The following FBLIM1 variants were observed in gnomAD, a reference collection of about 807,000 sequenced individuals.
FBLIM1 encodes the protein filamin-binding LIM protein 1.
A neutral mutation model predicts 37.4 loss-of-function variants in FBLIM1; 29 were observed. The ratio of observed to expected loss-of-function variants is 0.77; its 90% confidence interval spans 0.58 to 1.06. The LOEUF (loss-of-function observed/expected upper bound fraction) is 1.06, where lower values mean the gene tolerates loss of function less well. Ranked by LOEUF, FBLIM1 falls within the 50% of genes least tolerant of loss-of-function variation. The pLI, the probability that FBLIM1 is intolerant of heterozygous loss-of-function variation, is 0.00. For missense variants in FBLIM1, 449 were observed against 505.6 expected (o/e 0.89, Z 1.07); for synonymous variants, 193 against 199.0 (o/e 0.97, Z 0.25).
rs145132404 is a variant in FBLIM1, at chr1:15,774,771, G to A, written c.865G>A (p.Val289Met). ...ESFALGSQNE[V>M]YCLDDFYRKF... ...CTTTGCCCTGGGCAGCCAGAACGAG[G>A]TGTACTGCCTGGACGACTTCTACAG... Residue 289 changes from valine to methionine, a missense_variant, in exon 7 of 9, where the codon GTG becomes ATG. Coordinates refer to ENST00000375766, the MANE Select transcript of FBLIM1 (RefSeq NM_017556.4). 1.2e-6 allele frequency: 2 copies of A among 1,614,166 alleles called. No individual in the cohort carries two copies. The highest frequency in any genetic ancestry group is 1.7e-6 in the Non-Finnish European group (2 of 1,180,022).
At chr1:15,777,765 G>T (rs565244487) in intron 8 of FBLIM1, among the ~76,000 whole-genome samples, 2 of 152,104 alleles carry the variant, frequency 1.3e-5, no homozygotes, top group African/African-American at 4.8e-5. Context: ...TAGAGACAGG[G>T]TTTCACCATG....
In FBLIM1 at chr1:15,786,465, A is replaced by G. The variant is rs1003928973; in HGVS notation, c.*1804A>G. 1 of 152,148 alleles carries G rather than the reference A, an allele frequency of 6.6e-6. No homozygotes were observed. The highest frequency in any genetic ancestry group is 2.4e-5 in the African/African-American group (1 of 41,438). 9.4% of individuals were successfully genotyped at this position (152,148 alleles called of 1,614,324 possible). A position where few individuals can be genotyped will look rare whatever the true frequency, so the allele number is the denominator to read the frequency against. On this transcript the variant is annotated 3_prime_UTR_variant, in exon 9 of 9. Coordinates refer to ENST00000375766, the MANE Select transcript of FBLIM1 (RefSeq NM_017556.4). Reference sequence around the variant, plus strand: ...GTTATTTCACTTAAATCAACATGCTATTTTGTTTTCACTCACTTCTGACTT... The same window carrying G: ...GTTATTTCACTTAAATCAACATGCTGTTTTGTTTTCACTCACTTCTGACTT...
In FBLIM1 at chr1:15,770,474, C is replaced by CAGT; in HGVS notation, c.609_611dup (p.Gln203_Tyr204insTer). 1 of 1,613,498 alleles carries CAGT rather than the reference C, an allele frequency of 6.2e-7. No individual in the cohort carries two copies. The highest frequency in any genetic ancestry group is 8.5e-7 in the Non-Finnish European group (1 of 1,179,730). On this transcript the variant is annotated stop_gained and inframe_insertion, in exon 6 of 9. Coordinates refer to ENST00000375766, the MANE Select transcript of FBLIM1 (RefSeq NM_017556.4). LOFTEE classifies it high-confidence loss of function. ...GCTGGCTGTGGAGGCCATGAAGAGG[C>CAGT]AGTACCATGCCCAGTGCTTCACGTG... is the stretch of plus-strand genomic sequence containing the variant.
rs566477458 is a variant in FBLIM1, at chr1:15,771,024, C to A, written c.711+446C>A. Among the ~76,000 whole-genome samples the A allele has an allele frequency of 5.3e-5, 8 of 152,216 alleles. No individual in the cohort carries two copies. The South Asian group carries it at 1.7e-3, about 32-fold the overall frequency. On this transcript the variant is annotated intron_variant, in intron 6 of 8. Transcript: ENST00000375766. ...GCACGATGTCAGCTCACTGCAACCT[C>A]GGCCACCCAGGTTCAAGGGATTCTC...
At position 15,765,054 on chromosome 1, in the gene FBLIM1, TG is replaced by T; in HGVS notation, c.73del (p.Ala25ProfsTer6). ...FITLAPPRRD[V>X]AVAEEVRQAV... ...ACCCTGGCACCCCCGCGCCGCGATG[TG>T]GCCGTGGCGGAGGAAGTGAGGCAGG... On this transcript the variant is annotated frameshift_variant, in exon 3 of 9. Coordinates refer to ENST00000375766, the MANE Select transcript of FBLIM1 (RefSeq NM_017556.4). LOFTEE classifies it high-confidence loss of function. This position sits in a 1 kb window ranked among gnomAD's most constrained non-coding sequence, Gnocchi z 5.9. The T allele has an allele frequency of 1.2e-6, 2 of 1,614,088 alleles. No individual in the cohort carries two copies. Among genetic ancestry groups the T allele is most frequent in the Non-Finnish European group, 1.7e-6 (2 of 1,179,986 alleles).
chr1:15,783,949 G>A (rs991149230), intron 8 of FBLIM1, among the ~76,000 whole-genome samples: 2 of 152,162 alleles, frequency 1.3e-5, no homozygotes, highest in Admixed American at 1.3e-4. Context: ...CCCAGCATGG[G>A]AAGCCAAGGT....
In FBLIM1 at chr1:15,765,131, A is replaced by G; in HGVS notation, c.148A>G (p.Lys50Glu). 6.2e-7 allele frequency: 1 copy of G among 1,613,838 alleles called. No homozygotes were observed. Among genetic ancestry groups the G allele is most frequent in the Non-Finnish European group, 8.5e-7 (1 of 1,179,874 alleles). ...CCCCTGGGAGGCTCCTGCCCCCATG[A>G]AGACACCCGAGGCTGGCTTGGCGGG... Reference protein sequence around the residue: ...GRPWEAPAPMKTPEAGLAGRP... With the variant: ...GRPWEAPAPMETPEAGLAGRP... Residue 50 changes from lysine to glutamate, a missense_variant, in exon 3 of 9, where the codon AAG becomes GAG. Coordinates refer to ENST00000375766, the MANE Select transcript of FBLIM1 (RefSeq NM_017556.4). The surrounding 1 kb of genome is among the most constrained non-coding windows in gnomAD (Gnocchi z 5.9).
chr1:15,770,320 C>A (rs967113908), intron 5 of FBLIM1, 89 bp from the exon 6 acceptor site: 3 of 1,406,942 alleles, frequency 2.1e-6, no homozygotes, highest in Non-Finnish European at 2.9e-6. Context: ...TAAGACAGAG[C>A]CTCGGGTATC....
chr1:15,766,599 A>C (rs1379895013), intron 3 of FBLIM1, among the ~76,000 whole-genome samples: 1 of 127,840 alleles, frequency 7.8e-6, no homozygotes, highest in East Asian at 2.3e-4. Context: ...GCCCAGCCTA[A>C]TTTTTTTTTT....
chr1:15,778,012 CT>C (rs2069543700), intron 8 of FBLIM1, among the ~76,000 whole-genome samples: 1 of 152,056 alleles, frequency 6.6e-6, no homozygotes, highest in Non-Finnish European at 1.5e-5. Context: ...CTTAGAAACC[CT>C]AGGGGAAAGA....
At position 15,767,551 on chromosome 1, in the gene FBLIM1, G is replaced by A. The variant is rs1484637706; in HGVS notation, c.426G>A (p.Pro142=). ...AGCAGCTGCACCTGTCCCCGCCCCC[G>A]CCCCCACCACAGGTACTGCCTGCCC... ...DLEQLHLSPP[P]PPPQAPAEGP... Residue 142 remains proline, a synonymous_variant, in exon 4 of 9, where the codon CCG becomes CCA. Transcript: ENST00000375766. 8.7e-5 allele frequency: 66 copies of A among 759,670 alleles called. No individual in the cohort carries two copies. The highest frequency in any genetic ancestry group is 1.6e-4 in the Admixed American group (3 of 19,314). The allele number at this position is 759,670 out of a possible 1,614,324, so 47.1% of individuals were successfully genotyped here.
At chr1:15,757,497 TGA>T (rs1422353832), upstream of FBLIM1, among the ~76,000 whole-genome samples, 1 of 152,040 alleles carries the variant, frequency 6.6e-6, no homozygotes, top group Non-Finnish European at 1.5e-5. The surrounding 1 kb of genome is among the most constrained non-coding windows in gnomAD (Gnocchi z 4.1). Context: ...GCAGCTTGGC[TGA>T]GAGGATCAAA....
In FBLIM1 at chr1:15,774,622, C is replaced by G. The variant is rs2069399555; in HGVS notation, c.716C>G (p.Thr239Arg). ...RPLCEPCYQD[T>R]LERCGKCGEV... ...TGGCAGTGGCCTCTGTCCTAGGACACACTGGAGAGGTGCGGCAAGTGTGGC... is the reference window on the plus strand; with the variant it reads ...TGGCAGTGGCCTCTGTCCTAGGACAGACTGGAGAGGTGCGGCAAGTGTGGC... The change falls in exon 7 of 9, where the codon ACA becomes AGA. Residue 239 changes from threonine (T) to arginine (R), a missense_variant. Transcript: ENST00000375766. 6.2e-7 allele frequency: 1 copy of G among 1,612,550 alleles called. No individual in the cohort carries two copies. Among genetic ancestry groups the G allele is most frequent in the Non-Finnish European group, 8.5e-7 (1 of 1,179,356 alleles).
At chr1:15,763,499 G>T (rs1048424921) in intron 1 of FBLIM1, among the ~76,000 whole-genome samples, 8 of 150,882 alleles carry the variant, frequency 5.3e-5, no homozygotes, top group Non-Finnish European at 1.5e-5. Flanking sequence ...AGCCGGGCGT[G>T]GTGGCGGGCA....
chr1:15,780,285 G>T (rs1275721058), intron 8 of FBLIM1, among the ~76,000 whole-genome samples: 1 of 151,902 alleles, frequency 6.6e-6, no homozygotes, highest in African/African-American at 2.4e-5. Flanking sequence ...TGCAACCTCT[G>T]CCTGTCAGGT....
chr1:15,776,252 A>T (rs185998334), intron 7 of FBLIM1, among the ~76,000 whole-genome samples: 297 of 152,156 alleles, frequency 2.0e-3, no homozygotes, highest in Non-Finnish European at 3.5e-3. Context: ...GCTAGACTCC[A>T]TCCCAAACAA....
chr1:15,774,761 C>T lies in FBLIM1; in HGVS notation c.855C>T (p.Ser285=). Residue 285 remains serine, a synonymous_variant, in exon 7 of 9, where the codon AGC becomes AGT. Coordinates refer to ENST00000375766, the MANE Select transcript of FBLIM1 (RefSeq NM_017556.4). ...GGGATGAGAGCTTTGCCCTGGGCAGCCAGAACGAGGTGTACTGCCTGGACG... is the reference window on the plus strand; with the variant it reads ...GGGATGAGAGCTTTGCCCTGGGCAGTCAGAACGAGGTGTACTGCCTGGACG... ...CIGDESFALG[S]QNEVYCLDDF... 1.2e-6 allele frequency: 2 copies of T among 1,614,148 alleles called. No homozygotes were observed. The highest frequency in any genetic ancestry group is 1.7e-6 in the Non-Finnish European group (2 of 1,180,030).
chr1:15,770,398 C>T lies in FBLIM1; in HGVS notation c.542-11C>T, dbSNP rs12146078. ...CTGGGCTGGTGATGGCCTGTGTCTC[C>T]CCTACCCCAGACATCTGTGCCTTCT... On this transcript the variant is annotated splice_polypyrimidine_tract_variant and intron_variant, in intron 5 of 8. Transcript: ENST00000375766. The T allele has an allele frequency of 0.22, 359,060 of 1,610,146 alleles. 43,212 individuals are homozygous for T. Among genetic ancestry groups the T allele is most frequent in the South Asian group, 0.39 (35,389 of 90,894 alleles).
rs1195338478 is a variant in FBLIM1, at chr1:15,758,858, C to T, written c.-211+10C>T. 26 of 140,832 alleles carry T rather than the reference C, an allele frequency of 1.8e-4. No individual in the cohort carries two copies. The highest frequency in any genetic ancestry group is 1.6e-3 in the Admixed American group (23 of 14,356). The allele number at this position is 140,832 out of a possible 1,614,324, so 8.7% of individuals were successfully genotyped here. A position where few individuals can be genotyped will look rare whatever the true frequency, so the allele number is the denominator to read the frequency against. On this transcript the variant is annotated intron_variant, in intron 1 of 8. Transcript: ENST00000375766. The surrounding 1 kb of genome is among the most constrained non-coding windows in gnomAD (Gnocchi z 6.2). Reference sequence around the variant, plus strand: ...GGCGCGGGCGGCCCAGGTAAGCGGGCCGGGTGGGTGGGGGTCGCGTCCCTC... The same window carrying T: ...GGCGCGGGCGGCCCAGGTAAGCGGGTCGGGTGGGTGGGGGTCGCGTCCCTC...
Sources: gnomAD v4.1 joint callset for allele counts (sites outside exome capture counted in the v4.1 genomes callset) on GRCh38, gnomAD v4.1.1 for gene constraint, Gnocchi (gnomAD v3.1) non-coding constraint, MANE v1.5 for transcripts, NCBI Gene and HGNC (gene_info 2026-07-23, HGNC 2026-07-21) for gene names.